The following NDUFAF2 variants were observed in gnomAD, a reference collection of about 807,000 sequenced individuals.
The protein encoded by NDUFAF2 is NADH dehydrogenase [ubiquinone] 1 alpha subcomplex assembly factor 2.
NDUFAF2 carries 13 observed loss-of-function variants against 22.8 expected under a neutral mutation model. The observed-to-expected ratio is 0.57, with a 90% CI of 0.37 to 0.91. The LOEUF (loss-of-function observed/expected upper bound fraction) is 0.91. Ranked by LOEUF, NDUFAF2 falls within the 40% of genes least tolerant of loss-of-function variation. The probability of loss-of-function intolerance (pLI) is 0.01; values close to 1 mark genes in which losing one functional copy is unlikely to be tolerated. For synonymous variants in NDUFAF2, 53 were observed against 64.2 expected, an observed-to-expected ratio of 0.83 and a Z score of 0.84; for missense variants, 162 against 195.2, an observed-to-expected ratio of 0.83 and a Z score of 1.01.
intron 3 of NDUFAF2, among the ~76,000 whole-genome samples, chr5:61,127,944 C>T (rs1011669366): frequency 3.3e-5 from 5 of 152,144 alleles, no homozygotes; most frequent in African/African-American, 4.8e-5. Flanking sequence ...GCTTCATCAG[C>T]AAAGTCTCAG....
intron 1 of NDUFAF2, among the ~76,000 whole-genome samples, chr5:61,072,415 A>C (rs1752311171): frequency 6.6e-6 from 1 of 152,258 alleles, no homozygotes; most frequent in African/African-American, 2.4e-5. Context: ...AACAGCAATG[A>C]ATATCGATTT....
At position 61,115,453 on chromosome 5, in the gene NDUFAF2, G is replaced by T. The variant is rs962641704; in HGVS notation, c.258+16421G>T. 4 of 152,416 alleles carry T rather than the reference G, an allele frequency of 2.6e-5. No individual in the cohort carries two copies. In the East Asian group the frequency reaches 7.7e-4, roughly 29 times the overall value. The allele number at this position is 152,416 out of a possible 1,614,324, so 9.4% of individuals were successfully genotyped here. ...AAGATGATTTTTGATTCTTATGAAGGTGCTTTTTTGGTGTGAATAGTTTTT... is the reference window on the plus strand; with the variant it reads ...AAGATGATTTTTGATTCTTATGAAGTTGCTTTTTTGGTGTGAATAGTTTTT... On this transcript the variant is annotated intron_variant, in intron 3 of 3. Coordinates refer to ENST00000296597, the MANE Select transcript of NDUFAF2 (RefSeq NM_174889.5).
intron 1 of NDUFAF2, among the ~76,000 whole-genome samples, chr5:61,002,060 A>G (rs1049857124): frequency 1.3e-5 from 2 of 152,064 alleles, no homozygotes; most frequent in Non-Finnish European, 2.9e-5. Context: ...TAAGCAAGAG[A>G]TGACGATGAG....
At chr5:60,970,501 T>G (rs2112572439) in intron 1 of NDUFAF2, among the ~76,000 whole-genome samples, 1 of 152,302 alleles carries the variant, frequency 6.6e-6, no homozygotes, top group African/African-American at 2.4e-5. Flanking sequence ...ATGGGATTTC[T>G]TGATTTCTCT....
intron 1 of NDUFAF2, among the ~76,000 whole-genome samples, chr5:61,018,031 C>T (rs983140103): frequency 1.3e-5 from 2 of 152,126 alleles, no homozygotes; most frequent in Non-Finnish European, 2.9e-5. Context: ...GGATTACAGG[C>T]GTGAGCCACT....
chr5:61,099,702 A>G (rs1752683780), intron 3 of NDUFAF2, among the ~76,000 whole-genome samples: 1 of 152,094 alleles, frequency 6.6e-6, no homozygotes, highest in Non-Finnish European at 1.5e-5. Flanking sequence ...AAGTTATTTT[A>G]TAAGAAGTAA....
chr5:61,003,714 G>A (rs969480395), intron 1 of NDUFAF2, among the ~76,000 whole-genome samples: 1 of 147,394 alleles, frequency 6.8e-6, no homozygotes, highest in South Asian at 2.2e-4. Context: ...GCAGTGGCAT[G>A]ATCGTAGCTC....
At chr5:60,990,262 T>C (rs915346276) in intron 1 of NDUFAF2, among the ~76,000 whole-genome samples, 3 of 152,144 alleles carry the variant, frequency 2.0e-5, no homozygotes, top group African/African-American at 7.2e-5. Context: ...CTATAATTTA[T>C]TGTACTTTTC....
intron 1 of NDUFAF2, among the ~76,000 whole-genome samples, chr5:61,028,610 C>T (rs1462570516): frequency 6.6e-6 from 1 of 152,014 alleles, no homozygotes; most frequent in African/African-American, 2.4e-5. Flanking sequence ...TATTGATGAA[C>T]ATTTTAGTTG....
chr5:60,982,437 T>G (rs1750997247), intron 1 of NDUFAF2, among the ~76,000 whole-genome samples: 1 of 151,334 alleles, frequency 6.6e-6, no homozygotes, highest in Non-Finnish European at 1.5e-5. Context: ...TTAGGGTACA[T>G]GTACACAACG....
At chr5:61,004,741 T>A (rs1456065265) in intron 1 of NDUFAF2, among the ~76,000 whole-genome samples, 1 of 151,972 alleles carries the variant, frequency 6.6e-6, no homozygotes, top group Non-Finnish European at 1.5e-5. Context: ...AGGAGCTGTT[T>A]CAGATCCAAG....
At chr5:60,983,672 T>G (rs1449480809) in intron 1 of NDUFAF2, among the ~76,000 whole-genome samples, 9 of 151,186 alleles carry the variant, frequency 6.0e-5, no homozygotes, top group Admixed American at 2.0e-4. Context: ...TTTCCCCATT[T>G]CTTGTTTTTG....
intron 1 of NDUFAF2, among the ~76,000 whole-genome samples, chr5:60,966,469 T>C (rs144642340): frequency 0.011 from 1,652 of 152,288 alleles, 18 homozygotes; most frequent in Non-Finnish European, 0.017. Flanking sequence ...CCCTCTGTTT[T>C]CTTCTAGTTT....
At chr5:60,982,996 A>C (rs938083861) in intron 1 of NDUFAF2, among the ~76,000 whole-genome samples, 3 of 151,712 alleles carry the variant, frequency 2.0e-5, no homozygotes, top group African/African-American at 7.3e-5. Context: ...CAATGGTTGA[A>C]CTAGTTTACG....
chr5:60,988,418 A>G (rs147168990), intron 1 of NDUFAF2, among the ~76,000 whole-genome samples: 1,884 of 152,260 alleles, frequency 0.012, 18 homozygotes, highest in South Asian at 0.04. Context: ...TCACAGAACT[A>G]GAAAAAAACT....
intron 1 of NDUFAF2, among the ~76,000 whole-genome samples, chr5:61,049,143 GT>G (rs1751991972): frequency 6.6e-6 from 1 of 151,968 alleles, no homozygotes; most frequent in African/African-American, 2.4e-5. Flanking sequence ...ATAACAGCTG[GT>G]AATTATATAC....
intron 3 of NDUFAF2, among the ~76,000 whole-genome samples, chr5:61,129,788 T>A (rs1753085886): frequency 6.6e-6 from 1 of 151,942 alleles, no homozygotes; most frequent in Non-Finnish European, 1.5e-5. Flanking sequence ...ACTTAAAGTA[T>A]AATAAAAAAG....
At chr5:61,111,258 A>C (rs1296687137) in intron 3 of NDUFAF2, among the ~76,000 whole-genome samples, 1 of 152,208 alleles carries the variant, frequency 6.6e-6, no homozygotes, top group Admixed American at 6.5e-5. Flanking sequence ...AGAATGATCC[A>C]TGTGCTTAAC....
At chr5:60,984,994 G>T (rs1401547757) in intron 1 of NDUFAF2, among the ~76,000 whole-genome samples, 3 of 152,106 alleles carry the variant, frequency 2.0e-5, no homozygotes, top group Admixed American at 2.0e-4. Flanking sequence ...TGTACCTCTG[G>T]TAGAATTCGG....
Sources: gnomAD v4.1 joint callset for allele counts (sites outside exome capture counted in the v4.1 genomes callset) on GRCh38, gnomAD v4.1.1 for gene constraint, MANE v1.5 for transcripts, NCBI Gene and HGNC (gene_info 2026-07-23, HGNC 2026-07-21) for gene names.